The following ALK variants were observed in gnomAD, a reference collection of about 807,000 sequenced individuals.
The protein encoded by ALK is ALK tyrosine kinase receptor.
ALK carries 74 observed loss-of-function variants against 163.1 expected under a neutral mutation model. The ratio of observed to expected loss-of-function variants is 0.45; its 90% CI spans 0.38 to 0.55. The LOEUF is 0.55. Ranked by LOEUF, ALK falls within the 20% of genes least tolerant of loss-of-function variation. The pLI, the probability that ALK is intolerant of heterozygous loss-of-function variation, is 0.00. For missense variants in ALK, 2,063 were observed against 2,105.3 expected (o/e 0.98, Z 0.39); for synonymous variants, 960 against 843.2 (o/e 1.14, Z -2.40).
chr2:29,427,620 A>G (rs1054603184), intron 4 of ALK, among the ~76,000 whole-genome samples: 2 of 152,092 alleles, frequency 1.3e-5, no homozygotes, highest in African/African-American at 4.8e-5. Flanking sequence ...ATAAAAAAAG[A>G]AAACAGTATG....
At chr2:29,461,160 G>A (rs958753248) in intron 4 of ALK, among the ~76,000 whole-genome samples, 5 of 152,188 alleles carry the variant, frequency 3.3e-5, no homozygotes, top group African/African-American at 4.8e-5. Context: ...CGAGGAAGCT[G>A]CAGAAGAAAA....
intron 5 of ALK, among the ~76,000 whole-genome samples, chr2:29,378,909 C>T (rs746264408): frequency 3.9e-5 from 6 of 152,052 alleles, no homozygotes; most frequent in Non-Finnish European, 7.4e-5. Flanking sequence ...GATGGGGTTT[C>T]GCGACGTTGG....
chr2:29,653,069 G>A (rs1677081302), intron 3 of ALK, among the ~76,000 whole-genome samples: 1 of 152,094 alleles, frequency 6.6e-6, no homozygotes, highest in Non-Finnish European at 1.5e-5. Context: ...CCCTCAACCA[G>A]TGGAGTCTGA....
chr2:29,333,203 C>A (rs1667501268), intron 5 of ALK, among the ~76,000 whole-genome samples: 1 of 152,146 alleles, frequency 6.6e-6, no homozygotes, highest in African/African-American at 2.4e-5. Context: ...GCAACCTCCG[C>A]CTCCTGGGTT....
At chr2:29,786,293 C>T (rs757412940) in intron 1 of ALK, among the ~76,000 whole-genome samples, 91 of 152,152 alleles carry the variant, frequency 6.0e-4, no homozygotes, top group Non-Finnish European at 1.1e-3. Context: ...ATAGCCCTAA[C>T]CAGCACTCAT....
intron 1 of ALK, among the ~76,000 whole-genome samples, chr2:29,772,431 C>T (rs548341376): frequency 1.6e-4 from 24 of 152,080 alleles, no homozygotes; most frequent in Non-Finnish European, 3.2e-4. Context: ...AAATTTAGCT[C>T]TATTGGAAGA....
At chr2:29,597,399 A>G (rs1675244644) in intron 3 of ALK, among the ~76,000 whole-genome samples, 1 of 152,182 alleles carries the variant, frequency 6.6e-6, no homozygotes, top group Non-Finnish European at 1.5e-5. Context: ...TAAATCAAAG[A>G]AGAATATGAA....
chr2:29,346,941 G>A (rs1395211338), intron 5 of ALK, among the ~76,000 whole-genome samples: 3 of 152,174 alleles, frequency 2.0e-5, no homozygotes, highest in African/African-American at 4.8e-5. Flanking sequence ...ACAGTTTCAC[G>A]CATAAATCCT....
At chr2:29,855,019 C>T (rs1480708067) in intron 1 of ALK, among the ~76,000 whole-genome samples, 2 of 152,090 alleles carry the variant, frequency 1.3e-5, no homozygotes, top group Non-Finnish European at 2.9e-5. Context: ...GTATCTGTGA[C>T]TTTTTTCTGG....
chr2:29,665,212 C>G (rs544088967), intron 3 of ALK, among the ~76,000 whole-genome samples: 1 of 151,912 alleles, frequency 6.6e-6, no homozygotes, highest in South Asian at 2.1e-4. Context: ...ATCTCAAACT[C>G]CTGGACTCAA....
intron 4 of ALK, among the ~76,000 whole-genome samples, chr2:29,475,030 T>TC (rs1671472646): frequency 6.6e-6 from 1 of 152,024 alleles, no homozygotes; most frequent in African/African-American, 2.4e-5. Context: ...GGCTCCTGTG[T>TC]ACCCCCTGCT....
Position 29,204,206 on chromosome 2 carries a change from C to T in ALK, c.3938+2965G>A, listed in dbSNP as rs539706935. ...TGCTACTGTTAGCATCACACTAGTG[C>T]GATACACGTGTTACAATTAATGAAC... On this transcript the variant is annotated intron_variant, in intron 26 of 28. Coordinates refer to ENST00000389048, the MANE Select transcript of ALK (RefSeq NM_004304.5). Among the ~76,000 whole-genome samples the T allele has an allele frequency of 3.7e-4, 56 of 152,256 alleles. No individual in the cohort carries two copies. In the South Asian group the frequency reaches 8.1e-3, roughly 22 times the overall value.
At chr2:29,766,562 C>G (rs1254521486) in intron 1 of ALK, among the ~76,000 whole-genome samples, 1 of 152,166 alleles carries the variant, frequency 6.6e-6, no homozygotes, top group Non-Finnish European at 1.5e-5. Context: ...CAGCATTGCA[C>G]AGACACCTCT....
intron 4 of ALK, among the ~76,000 whole-genome samples, chr2:29,523,661 T>A (rs1208509302): frequency 6.6e-6 from 1 of 152,080 alleles, no homozygotes. Flanking sequence ...CAATATATAT[T>A]TATCATTATG....
In ALK at chr2:29,226,936, C is replaced by A; in HGVS notation, c.3053G>T (p.Gly1018Val). 1 of 1,614,186 alleles carries A rather than the reference C, an allele frequency of 6.2e-7. No homozygotes were observed. The highest frequency in any genetic ancestry group is 8.5e-7 in the Non-Finnish European group (1 of 1,180,040). Residue 1018 changes from glycine to valine, a missense_variant, in exon 18 of 29, where the codon GGC (glycine) becomes GTC (valine). Physicochemically the swap from Gly to Val is moderately radical, Grantham distance 109. Coordinates refer to ENST00000389048, the MANE Select transcript of ALK (RefSeq NM_004304.5). ...CDHGTVLAED[G>V]VSCIVSPTPE... ...TGCCCCCTTACCAATGCAGGAGACG[C>A]CATCCTCAGCCAGCACCGTCCCGTG...
chr2:29,605,073 T>C lies in ALK; in HGVS notation c.953-72957A>G, dbSNP rs565651685. 1.5e-3 allele frequency among the ~76,000 whole-genome samples: 223 copies of C among 152,322 alleles called. 3 individuals are homozygous for C. Among genetic ancestry groups the C allele is most frequent in the African/African-American group, 5.1e-3 (211 of 41,570 alleles). ...AGAAAACCATGCTTGAGTGGATTAC[T>C]TCAGTTTCAAAAGTCAGTAGTCCCC... On this transcript the variant is annotated intron_variant, in intron 3 of 28. Transcript: ENST00000389048.
At position 29,678,773 on chromosome 2, in the gene ALK, T is replaced by C. The variant is rs529889159; in HGVS notation, c.952+16077A>G. Among the ~76,000 whole-genome samples, 8 of 151,956 alleles carry C rather than the reference T, an allele frequency of 5.3e-5. No homozygotes were observed. The South Asian group carries it at 1.4e-3, about 28-fold the overall frequency. On this transcript the variant is annotated intron_variant, in intron 3 of 28. Transcript: ENST00000389048. ...ATAATTTTATACTTGTATAATTTTA[T>C]ATAAATTAATGACTTTCTTTATGGC...
At chr2:29,668,380 A>G (rs753104795) in intron 3 of ALK, among the ~76,000 whole-genome samples, 2 of 151,970 alleles carry the variant, frequency 1.3e-5, no homozygotes, top group Non-Finnish European at 2.9e-5. Flanking sequence ...TTTTTAAAAC[A>G]TAGGTATTTA....
intron 3 of ALK, among the ~76,000 whole-genome samples, chr2:29,614,154 C>A (rs572481023): frequency 1.3e-5 from 2 of 152,244 alleles, no homozygotes; most frequent in East Asian, 1.9e-4. Flanking sequence ...CTGCTTCTCT[C>A]GGGTCCTCGG....
Sources: gnomAD v4.1 joint callset for allele counts (sites outside exome capture counted in the v4.1 genomes callset) on GRCh38, gnomAD v4.1.1 for gene constraint, MANE v1.5 for transcripts, NCBI Gene and HGNC (gene_info 2026-07-23, HGNC 2026-07-21) for gene names.